The following DST variants were observed in gnomAD, a reference collection of about 807,000 sequenced individuals.
The protein encoded by DST is bullous pemphigoid antigen.
In DST, 253 loss-of-function variants were observed where a neutral mutation model predicts 875.2. The observed-to-expected ratio is 0.29, with a 90% CI of 0.26 to 0.32. DST has a LOEUF of 0.32. DST is among the 10% of genes least tolerant of loss of function. DST has a pLI of 1.00. For synonymous variants in DST, 3,124 were observed against 3,197.1 expected (o/e 0.98, Z 0.77); for missense variants, 8,287 against 9,111.6 (o/e 0.91, Z 3.68).
chr6:56,676,082 T>C (rs1018225620), intron 9 of DST, among the ~76,000 whole-genome samples: 1 of 152,054 alleles, frequency 6.6e-6, no homozygotes, highest in African/African-American at 2.4e-5. Flanking sequence ...TGTTTGTTTG[T>C]TTGAGATGGA....
rs368949608 is a variant in DST at position 56,914,308 on chromosome 6, C to G, written c.217-13687G>C. ...AATTACACTATATTCAAAACTACAACTAGTCTGGATAATGTGGGGCATACC... is the reference window on the plus strand; with the variant it reads ...AATTACACTATATTCAAAACTACAAGTAGTCTGGATAATGTGGGGCATACC... On this transcript the variant is annotated intron_variant, in intron 2 of 103. Coordinates refer to ENST00000680361, the MANE Select transcript of DST (RefSeq NM_001374736.1). 3.9e-5 allele frequency among the ~76,000 whole-genome samples: 6 copies of G among 152,288 alleles called. No individual in the cohort carries two copies. In the East Asian group the frequency reaches 1.2e-3, roughly 29 times the overall value.
In DST at chr6:56,509,801, T is replaced by C; in HGVS notation, c.18853A>G (p.Ile6285Val). 6.2e-6 allele frequency: 10 copies of C among 1,613,652 alleles called. No homozygotes were observed. The highest frequency in any genetic ancestry group is 2.2e-5 in the East Asian group (1 of 44,866). ...TTGATCTTCTCAACCTCTGCAGAGA[T>C]AGAGGGTGGCTGCCTCAGACGTTCC... is the stretch of plus-strand genomic sequence containing the variant. The part of the protein sequence containing the change: ...IVERLRQPPS[I>V]SAEVEKIKEQ... Residue 6285 changes from isoleucine to valine, a missense_variant, in exon 74 of 104, where the codon ATC becomes GTC. Transcript: ENST00000680361.
chr6:56,924,575 T>C (rs527925389), intron 2 of DST, among the ~76,000 whole-genome samples: 61 of 152,312 alleles, frequency 4.0e-4, no homozygotes, highest in African/African-American at 1.4e-3. Flanking sequence ...AGCAATTATA[T>C]TGGTTTCTTC....
rs1212618868 is a variant in DST, at chr6:56,610,427, C to T, written c.5283G>A (p.Lys1761=). ...QTSGDVKVEE[K]LDKVIAGTID... Reference sequence around the variant, plus strand: ...CTCATGTTTAAATAAATAATATTACCTTCTCCTCTACCTTTACATCTCCTG... The same window carrying T: ...CTCATGTTTAAATAAATAATATTACTTTCTCCTCTACCTTTACATCTCCTG... Residue 1761 remains lysine, a splice_region_variant and synonymous_variant, in exon 39 of 104, where the codon AAG becomes AAA. Transcript: ENST00000680361. 2 of 1,545,498 alleles carry T rather than the reference C, an allele frequency of 1.3e-6. No individual in the cohort carries two copies. Among genetic ancestry groups the T allele is most frequent in the South Asian group, 1.2e-5 (1 of 80,714 alleles).
intron 78 of DST, among the ~76,000 whole-genome samples, chr6:56,503,660 G>C (rs1284112907): frequency 2.0e-5 from 3 of 146,818 alleles, no homozygotes; most frequent in African/African-American, 7.5e-5. Flanking sequence ...TATCAGAAAG[G>C]CTATAAATCA....
intron 29 of DST, 39 bp downstream of exon 29, chr6:56,631,844 G>A: frequency 6.3e-7 from 1 of 1,595,772 alleles, no homozygotes; most frequent in Non-Finnish European, 8.6e-7. Flanking sequence ...AGGTCATTAA[G>A]AGAGTTAGTT....
Position 56,604,066 on chromosome 6 carries a change from A to G in DST, c.10562T>C (p.Met3521Thr). The change falls in exon 40 of 104, where the codon ATG becomes ACG. Residue 3521 changes from methionine to threonine, a missense_variant. Physicochemically the swap from Met to Thr is moderately conservative, Grantham distance 81. Coordinates refer to ENST00000680361, the MANE Select transcript of DST (RefSeq NM_001374736.1). ...FNQKACSTSEMMEEKPHILGD... is the reference protein window; with the variant it reads ...FNQKACSTSETMEEKPHILGD... The stretch of plus-strand genomic sequence containing the variant: ...AAGAATATGTGGCTTTTCTTCCATC[A>G]TCTCAGATGTAGAACATGCTTTTTG... 2.5e-6 allele frequency: 4 copies of G among 1,583,974 alleles called. No individual in the cohort carries two copies. The highest frequency in any genetic ancestry group is 3.4e-6 in the Non-Finnish European group (4 of 1,162,778).
chr6:56,805,424 C>T (rs1333803250), intron 4 of DST, among the ~76,000 whole-genome samples: 1 of 152,038 alleles, frequency 6.6e-6, no homozygotes, highest in East Asian at 1.9e-4. Flanking sequence ...AATACTATCC[C>T]TGAACTACTA....
At chr6:56,776,942 A>C (rs1230067864) in intron 4 of DST, among the ~76,000 whole-genome samples, 1 of 151,242 alleles carries the variant, frequency 6.6e-6, no homozygotes, top group Admixed American at 6.6e-5. Context: ...TTGAGGAGAC[A>C]GGCATTGTGA....
intron 55 of DST, among the ~76,000 whole-genome samples, chr6:56,562,667 A>G (rs1040269542): frequency 4.6e-5 from 7 of 152,020 alleles, no homozygotes; most frequent in African/African-American, 1.7e-4. Flanking sequence ...AGGTATACAC[A>G]TGCCATGGAG....
At chr6:56,610,661 A>G in intron 38 of DST, 99 bp from the exon 39 acceptor site, 1 of 968,362 alleles carries the variant, frequency 1.0e-6, no homozygotes, top group African/African-American at 1.7e-5. Context: ...GTAAAATAAA[A>G]TATAGCCTCA....
intron 4 of DST, among the ~76,000 whole-genome samples, chr6:56,757,506 C>T (rs1251691949): frequency 1.3e-5 from 2 of 152,120 alleles, no homozygotes; most frequent in Non-Finnish European, 2.9e-5. Flanking sequence ...GTGAGCTGTG[C>T]TACATTTCCT....
At chr6:56,870,094 A>G (rs1776287952) in intron 3 of DST, among the ~76,000 whole-genome samples, 1 of 152,168 alleles carries the variant, frequency 6.6e-6, no homozygotes, top group Non-Finnish European at 1.5e-5. Context: ...AGTTCAGTCA[A>G]AAATGAGCTC....
chr6:56,473,508 C>T (rs1172542143), intron 93 of DST, among the ~76,000 whole-genome samples: 2 of 151,996 alleles, frequency 1.3e-5, no homozygotes, highest in African/African-American at 4.8e-5. Flanking sequence ...GAAGATTATC[C>T]ACGTCATGGT....
chr6:56,600,176 T>C lies in DST; in HGVS notation c.11587A>G (p.Ile3863Val), dbSNP rs1483998442. The change falls in exon 45 of 104, where the codon ATA becomes GTA. Residue 3863 changes from isoleucine (I) to valine (V), a missense_variant. This residue lies in a region of DST where 3,138 missense variants were observed against 3,116.6 expected (regional missense o/e 1.01). Coordinates refer to ENST00000680361, the MANE Select transcript of DST (RefSeq NM_001374736.1). ...QQEYKEKLQGICDLLTQTENR... is the reference protein window; with the variant it reads ...QQEYKEKLQGVCDLLTQTENR... ...TCAGTTTGGGTAAGAAGATCACATA[T>C]CCCTTGGAGTTTCTCTTTATACTCC... is the stretch of plus-strand genomic sequence containing the variant. The C allele has an allele frequency of 1.2e-6, 2 of 1,612,806 alleles. No individual in the cohort carries two copies. The highest frequency in any genetic ancestry group is 2.7e-5 in the African/African-American group (2 of 74,858).
At position 56,527,523 on chromosome 6, in the gene DST, T is replaced by G; in HGVS notation, c.17892A>C (p.Glu5964Asp). The change falls in exon 68 of 104, where the codon GAA (glutamate) becomes GAC (aspartate). Residue 5964 changes from glutamate (E) to aspartate (D), a missense_variant. Physicochemically the swap from Glu to Asp is conservative, Grantham distance 45. Around this residue, in one of 10 missense-constraint regions of DST, gnomAD observed 777 missense variants for 764.8 expected, o/e 1.02. Transcript: ENST00000680361. ...GTCTCATTTGTGCTTGACTTGCTTC[T>G]TCTCCTTTCAGAACCTGAGTTTCAT... ...LSYETQVLKG[E>D]EASQAQMRPK... The G allele has an allele frequency of 6.2e-7, 1 of 1,613,688 alleles. No individual in the cohort carries two copies. Among genetic ancestry groups the G allele is most frequent in the Non-Finnish European group, 8.5e-7 (1 of 1,179,768 alleles).
chr6:56,655,378 CACA>C (rs1471890208), intron 10 of DST, among the ~76,000 whole-genome samples: 2 of 152,022 alleles, frequency 1.3e-5, no homozygotes, highest in African/African-American at 4.8e-5. Flanking sequence ...TTAGTGCAGA[CACA>C]ACATTACCAA....
In DST at chr6:56,598,332, G is replaced by A. The variant is rs1224745867; in HGVS notation, c.11928+144C>T. On this transcript the variant is annotated intron_variant, in intron 46 of 103. Transcript: ENST00000680361. ...CTCTTCAAACCTTTTGTAGTACTTG[G>A]TCAATTATGTACCTGGAAACCCAGA... 5.1e-5 allele frequency: 28 copies of A among 549,282 alleles called. No individual in the cohort carries two copies. The East Asian group carries it at 8.7e-4, about 17-fold the overall frequency. The allele number at this position is 549,282 out of a possible 1,614,324, so 34.0% of individuals were successfully genotyped here.
At chr6:56,720,442 C>T (rs775318975) in intron 5 of DST, among the ~76,000 whole-genome samples, 6 of 150,374 alleles carry the variant, frequency 4.0e-5, no homozygotes, top group East Asian at 2.0e-4. Context: ...GTGGAGAGAA[C>T]GTCAGCAGAT....
Sources: allele counts gnomAD v4.1 joint callset (sites outside exome capture counted in the v4.1 genomes callset), GRCh38; gene constraint gnomAD v4.1.1; regional missense constraint gnomAD v4.1.1; transcripts MANE v1.5; gene names NCBI Gene and HGNC (gene_info 2026-07-23, HGNC 2026-07-21).